SGMS1: variants seen among roughly 807,000 people sequenced by gnomAD.
SGMS1 encodes the protein phosphatidylcholine:ceramide cholinephosphotransferase 1.
In SGMS1, 13 loss-of-function variants were observed where a neutral mutation model predicts 46.2. That is an observed-to-expected ratio of 0.28 (90% CI 0.18 to 0.45). The LOEUF (loss-of-function observed/expected upper bound fraction) is 0.45, where lower values mean the gene tolerates loss of function less well. Among genes scored for constraint, SGMS1 ranks in the 20% least tolerant of loss-of-function variants. The pLI is 1.00. For synonymous variants in SGMS1, 203 were observed against 187.8 expected (o/e 1.08, Z -0.66); for missense variants, 324 against 519.9 (o/e 0.62, Z 3.66).
chr10:50,421,741 G>C (rs1849256957), intron 6 of SGMS1, among the ~76,000 whole-genome samples: 1 of 152,144 alleles, frequency 6.6e-6, no homozygotes, highest in Non-Finnish European at 1.5e-5. Flanking sequence ...TGGAGACGGT[G>C]GGGGCCTCCG....
chr10:50,501,118 C>T (rs1283824772), intron 3 of SGMS1, among the ~76,000 whole-genome samples: 1 of 152,192 alleles, frequency 6.6e-6, no homozygotes, highest in African/African-American at 2.4e-5. Context: ...ATGTCATCCT[C>T]TCCTGCAATT....
intron 4 of SGMS1, among the ~76,000 whole-genome samples, chr10:50,462,991 C>A (rs973325022): frequency 1.3e-5 from 2 of 151,738 alleles, no homozygotes; most frequent in African/African-American, 4.8e-5. Context: ...AAAAAAAAGA[C>A]CCTTACCCCA....
At chr10:50,624,377 A>C (rs1838893759), upstream of SGMS1, among the ~76,000 whole-genome samples, 1 of 152,164 alleles carries the variant, frequency 6.6e-6, no homozygotes, top group African/African-American at 2.4e-5. Context: ...CACCAAGCCC[A>C]AGGGCTGCGA....
intron 2 of SGMS1, among the ~76,000 whole-genome samples, chr10:50,535,855 T>C (rs1169706236): frequency 5.3e-5 from 8 of 152,170 alleles, no homozygotes; most frequent in African/African-American, 1.9e-4. Context: ...CCAACCCCAC[T>C]CAGACATGAA....
intron 1 of SGMS1, among the ~76,000 whole-genome samples, chr10:50,601,451 C>A (rs1838649237): frequency 6.6e-6 from 1 of 152,222 alleles, no homozygotes; most frequent in Admixed American, 6.5e-5. Flanking sequence ...TTTCCATAGA[C>A]AAGAGGACCA....
intron 2 of SGMS1, among the ~76,000 whole-genome samples, chr10:50,528,930 T>A (rs1588866041): frequency 6.6e-6 from 1 of 152,214 alleles, no homozygotes; most frequent in Non-Finnish European, 1.5e-5. Flanking sequence ...CATTCCATCA[T>A]CCAGTTCAGT....
intron 3 of SGMS1, among the ~76,000 whole-genome samples, chr10:50,518,520 G>A (rs921071031): frequency 1.3e-4 from 20 of 152,228 alleles, no homozygotes; most frequent in Admixed American, 3.3e-4. Context: ...TCCGCCTCCT[G>A]GGTTCAAGTG....
intron 6 of SGMS1, among the ~76,000 whole-genome samples, chr10:50,348,884 G>A (rs1440309184): frequency 6.6e-6 from 1 of 152,166 alleles, no homozygotes; most frequent in Admixed American, 6.5e-5. Context: ...AAAGAACAAA[G>A]TTGGAAGCAT....
chr10:50,378,157 C>G (rs960218136), intron 6 of SGMS1, among the ~76,000 whole-genome samples: 1 of 152,174 alleles, frequency 6.6e-6, no homozygotes, highest in Non-Finnish European at 1.5e-5. Flanking sequence ...TGTATTTATA[C>G]ATTTCACTTG....
chr10:50,603,110 C>A (rs1838663366), intron 1 of SGMS1, among the ~76,000 whole-genome samples: 1 of 152,186 alleles, frequency 6.6e-6, no homozygotes, highest in Non-Finnish European at 1.5e-5. Flanking sequence ...ATTCTAAAAC[C>A]TTTTGCCTCT....
intron 6 of SGMS1, among the ~76,000 whole-genome samples, chr10:50,406,597 C>T (rs1209413965): frequency 1.3e-5 from 2 of 152,152 alleles, no homozygotes; most frequent in African/African-American, 2.4e-5. Context: ...TCTATCTCAG[C>T]CATTGGAGTA....
At chr10:50,341,026 G>A (rs1368254196) in intron 7 of SGMS1, among the ~76,000 whole-genome samples, 1 of 152,190 alleles carries the variant, frequency 6.6e-6, no homozygotes, top group African/African-American at 2.4e-5. Flanking sequence ...ACCTCCTAGT[G>A]GAGATTGGGG....
chr10:50,542,875 A>G (rs1838067989), intron 2 of SGMS1, among the ~76,000 whole-genome samples: 1 of 149,094 alleles, frequency 6.7e-6, no homozygotes. Context: ...AAAAAAAAAG[A>G]AAGAAAAAGG....
At chr10:50,561,008 A>G (rs1838231879) in intron 2 of SGMS1, among the ~76,000 whole-genome samples, 1 of 152,228 alleles carries the variant, frequency 6.6e-6, no homozygotes, top group African/African-American at 2.4e-5. Flanking sequence ...ACTGAGACTA[A>G]GCAGAGCCTC....
At chr10:50,325,723 C>A (rs1254414919) in intron 8 of SGMS1, among the ~76,000 whole-genome samples, 2 of 152,104 alleles carry the variant, frequency 1.3e-5, no homozygotes, top group Non-Finnish European at 2.9e-5. Context: ...TGGTACGGCC[C>A]CTCAATACTG....
chr10:50,370,999 T>C (rs1158783436), intron 6 of SGMS1, among the ~76,000 whole-genome samples: 3 of 152,186 alleles, frequency 2.0e-5, no homozygotes, highest in Admixed American at 2.0e-4. Flanking sequence ...AGGTACACCA[T>C]AGCAAATACA....
At chr10:50,507,245 G>A (rs117993126) in intron 3 of SGMS1, among the ~76,000 whole-genome samples, 2,223 of 152,320 alleles carry the variant, frequency 0.015, 22 homozygotes, top group Middle Eastern at 0.031. Flanking sequence ...ACACTGCAAT[G>A]TTATAAAAAG....
At chr10:50,421,210 C>G (rs1225399528) in intron 6 of SGMS1, among the ~76,000 whole-genome samples, 3 of 152,132 alleles carry the variant, frequency 2.0e-5, no homozygotes, top group African/African-American at 4.8e-5. Context: ...GCACTCAAAG[C>G]CTTGCCTCTA....
At chr10:50,548,836 T>C (rs1838124144) in intron 2 of SGMS1, among the ~76,000 whole-genome samples, 1 of 151,888 alleles carries the variant, frequency 6.6e-6, no homozygotes, top group Non-Finnish European at 1.5e-5. Flanking sequence ...ATCCAGAGTC[T>C]ACAAGGAACT....
Sources: allele counts gnomAD v4.1 joint callset (sites outside exome capture counted in the v4.1 genomes callset), GRCh38; gene constraint gnomAD v4.1.1; transcripts MANE v1.5; gene names NCBI Gene and HGNC (gene_info 2026-07-23, HGNC 2026-07-21).